The following SPG11 variants were observed in gnomAD, a reference collection of about 807,000 sequenced individuals.
The protein encoded by SPG11 is spatacsin.
Under a neutral mutation model 274.0 loss-of-function variants are expected in SPG11, and 222 were observed. That is an observed-to-expected ratio of 0.81 (90% CI 0.73 to 0.91). The LOEUF (loss-of-function observed/expected upper bound fraction) is 0.91. Among genes scored for constraint, SPG11 ranks in the 40% least tolerant of loss-of-function variants. The pLI, the probability that SPG11 is intolerant of heterozygous loss-of-function variation, is 0.00. For synonymous variants in SPG11, 1,144 were observed against 1,039.7 expected, an observed-to-expected ratio of 1.10 and a Z score of -1.93; for missense variants, 3,114 against 2,872.7, an observed-to-expected ratio of 1.08 and a Z score of -1.92.
chr15:44,630,094 T>C (rs1417993447), intron 8 of SPG11, among the ~76,000 whole-genome samples: 6 of 152,152 alleles, frequency 3.9e-5, no homozygotes, highest in African/African-American at 1.2e-4. Context: ...GGGCCAAAAT[T>C]TGAATTTAAG....
At chr15:44,602,332 A>G (rs1010281928) in intron 20 of SPG11, among the ~76,000 whole-genome samples, 2 of 152,210 alleles carry the variant, frequency 1.3e-5, no homozygotes, top group Non-Finnish European at 2.9e-5. Flanking sequence ...ACTGCTGAGT[A>G]TATTAGCTGT....
intron 4 of SPG11, among the ~76,000 whole-genome samples, chr15:44,654,015 G>A (rs180976947): frequency 1.1e-4 from 16 of 152,218 alleles, no homozygotes; most frequent in Admixed American, 4.6e-4. Context: ...GTGCAGTGGT[G>A]CAATGACAGC....
intron 20 of SPG11, among the ~76,000 whole-genome samples, chr15:44,602,160 C>T (rs1166788957): frequency 6.6e-6 from 1 of 152,150 alleles, no homozygotes; most frequent in East Asian, 1.9e-4. Context: ...ATGCCATCTG[C>T]AAACAATGAC....
chr15:44,597,695 T>C (rs1341922913), intron 23 of SPG11, among the ~76,000 whole-genome samples: 2 of 152,070 alleles, frequency 1.3e-5, no homozygotes, highest in East Asian at 3.9e-4. Flanking sequence ...ACAGAATCAG[T>C]GATAGGATGT....
chr15:44,586,720 T>A (rs995786555), intron 28 of SPG11, among the ~76,000 whole-genome samples: 2 of 152,040 alleles, frequency 1.3e-5, no homozygotes, highest in Non-Finnish European at 2.9e-5. Flanking sequence ...AGGGCAGAGG[T>A]TGGTGGCCTT....
At chr15:44,598,426 A>G in intron 22 of SPG11, 53 bp from the exon 23 acceptor site, 2 of 1,538,396 alleles carry the variant, frequency 1.3e-6, no homozygotes, top group Non-Finnish European at 1.8e-6. Context: ...TCAAAACCTG[A>G]GCATTTCTGT....
Position 44,596,951 on chromosome 15 carries a change from C to A in SPG11, c.4002-8G>T. The A allele has an allele frequency of 6.2e-7, 1 of 1,613,624 alleles. No individual in the cohort carries two copies. The highest frequency in any genetic ancestry group is 1.1e-5 in the South Asian group (1 of 91,036). ...CTAGATTCACTGGATAACCTATAAT[C>A]AGAATTAGAGGTGGGGGTGGTCAAG... On this transcript the variant is annotated splice_region_variant and splice_polypyrimidine_tract_variant and intron_variant, in intron 23 of 39. Transcript: ENST00000261866.
At position 44,563,205 on chromosome 15, in the gene SPG11, G is replaced by T. The variant is rs763259072; in HGVS notation, c.7248C>A (p.Tyr2416Ter). 6.2e-7 allele frequency: 1 copy of T among 1,614,106 alleles called. No individual in the cohort carries two copies. Among genetic ancestry groups the T allele is most frequent in the Non-Finnish European group, 8.5e-7 (1 of 1,179,960 alleles). Residue 2416 changes from tyrosine to a stop codon, truncating the protein, a stop_gained, in exon 40 of 40, where the codon TAC (tyrosine) becomes TAA (stop). Transcript: ENST00000261866. LOFTEE classifies it high-confidence loss of function. Reference protein sequence around the residue: ...EDVYLYYKLAYEHKFYEIVNV... With the variant: ...EDVYLYYKLA ...TTACAATTTCATAAAACTTGTGTTCGTATGCCAACTTGTAATACAGGTAAA... is the reference window on the plus strand; with the variant it reads ...TTACAATTTCATAAAACTTGTGTTCTTATGCCAACTTGTAATACAGGTAAA...
rs538316132 is a variant in SPG11 at position 44,623,644 on chromosome 15, T to G, written c.2245-845A>C. 3.9e-5 allele frequency among the ~76,000 whole-genome samples: 6 copies of G among 152,308 alleles called. No individual in the cohort carries two copies. The South Asian group carries it at 1.2e-3, about 32-fold the overall frequency. The stretch of plus-strand genomic sequence containing the variant: ...AAGGGGTCACATGAACAATACAGAA[T>G]GTCCTCCAACAAATAATGAGCTCCT... On this transcript the variant is annotated intron_variant, in intron 11 of 39. Transcript: ENST00000261866.
chr15:44,594,915 C>T (rs867518489), intron 26 of SPG11, among the ~76,000 whole-genome samples: 2 of 152,212 alleles, frequency 1.3e-5, no homozygotes, highest in Non-Finnish European at 2.9e-5. Context: ...CTCCCAGGTT[C>T]AAGCAATTAT....
At chr15:44,600,081 A>G (rs934724023) in intron 21 of SPG11, among the ~76,000 whole-genome samples, 2 of 152,222 alleles carry the variant, frequency 1.3e-5, no homozygotes, top group Non-Finnish European at 2.9e-5. Context: ...TTTTCAAAAC[A>G]TATTTATGTT....
At chr15:44,631,269 C>T (rs1829476106) in intron 8 of SPG11, among the ~76,000 whole-genome samples, 1 of 152,084 alleles carries the variant, frequency 6.6e-6, no homozygotes, top group African/African-American at 2.4e-5. Context: ...AATTATGGTA[C>T]AGCCCATACA....
At chr15:44,564,462 T>G in intron 39 of SPG11, 85 bp downstream of exon 39, 1 of 1,349,478 alleles carries the variant, frequency 7.4e-7, no homozygotes, top group East Asian at 2.3e-5. Flanking sequence ...AAAGGCATGG[T>G]GTACTTAGCC....
chr15:44,572,481 T>C, intron 33 of SPG11: 1 of 594,492 alleles, frequency 1.7e-6, no homozygotes, highest in Non-Finnish European at 3.0e-6. Context: ...TTTTGTATGA[T>C]TTTAAATTTG....
Position 44,570,544 on chromosome 15 carries a change from C to A in SPG11, c.6458G>T (p.Ser2153Ile), listed in dbSNP as rs543344637. ...HMLTDNHLAP[S>I]EEYGLVVRLL... ...ACTTACCACCAGCCCATACTCCTCACTGGGGGCCAGGTGGTTATCTGTGAG... is the reference window on the plus strand; with the variant it reads ...ACTTACCACCAGCCCATACTCCTCAATGGGGGCCAGGTGGTTATCTGTGAG... The change falls in exon 34 of 40, where the codon AGT becomes ATT. Residue 2153 changes from serine (S) to isoleucine (I), a missense_variant. Transcript: ENST00000261866. The A allele has an allele frequency of 6.8e-6, 11 of 1,614,110 alleles. No homozygotes were observed. The East Asian group carries it at 2.2e-4, about 33-fold the overall frequency.
At chr15:44,660,730 T>A in intron 1 of SPG11, 114 bp from the exon 2 acceptor site, 1 of 937,230 alleles carries the variant, frequency 1.1e-6, no homozygotes, top group Non-Finnish European at 1.7e-6. Flanking sequence ...CCTGGTATAG[T>A]CATTCTACAC....
At chr15:44,593,214 G>T (rs2082948014) in intron 26 of SPG11, among the ~76,000 whole-genome samples, 1 of 151,356 alleles carries the variant, frequency 6.6e-6, no homozygotes. Flanking sequence ...TATTTTTTTT[G>T]AGACATAGCC....
intron 4 of SPG11, among the ~76,000 whole-genome samples, chr15:44,656,132 A>G (rs77394662): frequency 6.6e-6 from 1 of 152,134 alleles, no homozygotes; most frequent in Non-Finnish European, 1.5e-5. Context: ...GGGAATAAAG[A>G]GATTAATGGA....
intron 7 of SPG11, among the ~76,000 whole-genome samples, chr15:44,642,945 G>A (rs573879854): frequency 6.6e-6 from 1 of 152,194 alleles, no homozygotes; most frequent in Non-Finnish European, 1.5e-5. Flanking sequence ...ATAGGATCAG[G>A]GCAGGGCATA....
Sources: gnomAD v4.1 joint callset for allele counts (sites outside exome capture counted in the v4.1 genomes callset) on GRCh38, gnomAD v4.1.1 for gene constraint, MANE v1.5 for transcripts, NCBI Gene and HGNC (gene_info 2026-07-23, HGNC 2026-07-21) for gene names.